The following ABCB7 variants were observed in gnomAD, a reference collection of about 807,000 sequenced individuals.
The protein encoded by ABCB7 is iron-sulfur clusters transporter ABCB7, mitochondrial.
Under a neutral mutation model 54.4 loss-of-function variants are expected in ABCB7, and 7 were observed. That is an observed-to-expected ratio of 0.13 (90% CI 0.07 to 0.24). ABCB7 has a LOEUF of 0.24. Ranked by LOEUF, ABCB7 falls within the 10% of genes least tolerant of loss-of-function variation. The probability of loss-of-function intolerance (pLI) is 1.00; values close to 1 mark genes in which losing one functional copy is unlikely to be tolerated. For synonymous variants in ABCB7, 218 were observed against 207.1 expected (o/e 1.05, Z -0.45); for missense variants, 356 against 570.4 (o/e 0.62, Z 3.83).
intron 4 of ABCB7, among the ~76,000 whole-genome samples, chrX:75,095,892 A>G (rs775385270): frequency 8.9e-6 from 1 of 112,004 alleles, no homozygotes; most frequent in East Asian, 2.8e-4. Context: ...ATACCCTGAT[A>G]TTGACCTGTC....
chrX:75,116,254 A>G (rs144462750), intron 1 of ABCB7, among the ~76,000 whole-genome samples: 1,457 of 110,788 alleles, frequency 0.013, 17 homozygotes, highest in African/African-American at 0.046. Flanking sequence ...GCTGAATTCA[A>G]CTCTTCAGGC....
intron 3 of ABCB7, among the ~76,000 whole-genome samples, chrX:75,101,726 G>A (rs976412370): frequency 1.8e-5 from 2 of 111,465 alleles, no homozygotes; most frequent in African/African-American, 6.5e-5. Context: ...ATGGAATAAT[G>A]GAAAAAGGCC....
At chrX:75,113,946 C>T (rs1372703560) in intron 2 of ABCB7, among the ~76,000 whole-genome samples, 20 of 111,649 alleles carry the variant, frequency 1.8e-4, no homozygotes, top group Non-Finnish European at 5.6e-5. Flanking sequence ...CCATTTTTTC[C>T]TCTAAAAGAT....
At chrX:75,093,869 T>C (rs1309256056) in intron 4 of ABCB7, among the ~76,000 whole-genome samples, 1 of 108,025 alleles carries the variant, frequency 9.3e-6, no homozygotes, top group African/African-American at 3.4e-5. Context: ...TTCAAAAAAA[T>C]GAAGAAGTAC....
intron 1 of ABCB7, among the ~76,000 whole-genome samples, chrX:75,115,097 G>A (rs1046821785): frequency 1.9e-4 from 21 of 107,769 alleles, no homozygotes; most frequent in African/African-American, 7.1e-4. Context: ...GTGAAACCCC[G>A]TCTCTACCAA....
At chrX:75,060,110 G>A (rs1054572731) in intron 15 of ABCB7, 113 bp downstream of exon 15, 12 of 610,587 alleles carry the variant, frequency 2.0e-5, no homozygotes, top group Non-Finnish European at 2.9e-5. Context: ...AAACAGAATC[G>A]TAACAGGATT....
At chrX:75,078,590 T>C (rs1257190310) in intron 4 of ABCB7, among the ~76,000 whole-genome samples, 2 of 111,311 alleles carry the variant, frequency 1.8e-5, no homozygotes, top group African/African-American at 3.3e-5. Flanking sequence ...GAAAGGTAGG[T>C]ACCTTTCACA....
At chrX:75,109,356 C>A (rs767266760) in intron 3 of ABCB7, among the ~76,000 whole-genome samples, 1 of 111,821 alleles carries the variant, frequency 8.9e-6, no homozygotes, top group African/African-American at 3.2e-5. Context: ...TTCTGTTTCT[C>A]AGGTAAGTAA....
intron 1 of ABCB7, among the ~76,000 whole-genome samples, chrX:75,144,672 T>G (rs1270126825): frequency 9.1e-6 from 1 of 110,022 alleles, no homozygotes; most frequent in Middle Eastern, 4.3e-3. Context: ...GGGTTTGTAC[T>G]GTTTTTGTAA....
intron 4 of ABCB7, among the ~76,000 whole-genome samples, chrX:75,095,496 A>T (rs2081582949): frequency 8.8e-6 from 1 of 113,125 alleles, no homozygotes; most frequent in Admixed American, 9.3e-5. Context: ...TGCAAGAGCA[A>T]GCACTTTTAA....
At chrX:75,058,295 T>C (rs1385028338) in intron 15 of ABCB7, among the ~76,000 whole-genome samples, 1 of 111,426 alleles carries the variant, frequency 9.0e-6, no homozygotes. Flanking sequence ...TTCCCCCAAT[T>C]TGCTGGTATC....
At chrX:75,054,922 AACTTTTGT>A (rs1252307663) in intron 15 of ABCB7, among the ~76,000 whole-genome samples, 1 of 111,379 alleles carries the variant, frequency 9.0e-6, no homozygotes, top group African/African-American at 3.3e-5. Flanking sequence ...AAACCACAAT[AACTTTTGT>A]ACCAACCTAC....
intron 6 of ABCB7, 128 bp downstream of exon 6, chrX:75,075,234 A>G (rs2081398354): frequency 1.4e-6 from 1 of 736,808 alleles, no homozygotes; most frequent in East Asian, 3.5e-5. Context: ...AAACTGCATA[A>G]TATTTCTGGC....
intron 4 of ABCB7, among the ~76,000 whole-genome samples, chrX:75,085,438 G>A (rs2081489488): frequency 9.0e-6 from 1 of 111,305 alleles, no homozygotes; most frequent in South Asian, 3.8e-4. Flanking sequence ...AGCAGCTAGG[G>A]GTCTGGAAAG....
At chrX:75,131,086 CA>C (rs373163620) in intron 1 of ABCB7, among the ~76,000 whole-genome samples, 2 of 106,952 alleles carry the variant, frequency 1.9e-5, no homozygotes, top group East Asian at 2.9e-4. Context: ...AAATGAATCT[CA>C]AAAAAAACAA....
chrX:75,136,341 G>A (rs2082008983), intron 1 of ABCB7, among the ~76,000 whole-genome samples: 1 of 111,280 alleles, frequency 9.0e-6, no homozygotes, highest in Non-Finnish European at 1.9e-5. Context: ...AAAGAAATCA[G>A]AGATGGCACA....
chrX:75,126,438 C>T (rs1300246909), intron 1 of ABCB7, among the ~76,000 whole-genome samples: 1 of 111,300 alleles, frequency 9.0e-6, no homozygotes, highest in Non-Finnish European at 1.9e-5. Flanking sequence ...ACTAAATGCC[C>T]ACATGAGAAA....
intron 1 of ABCB7, among the ~76,000 whole-genome samples, chrX:75,125,090 A>G (rs971038312): frequency 9.0e-6 from 1 of 111,614 alleles, no homozygotes. Context: ...TCAGATTGCC[A>G]CTGGTGATTA....
At chrX:75,113,515 C>T (rs888058001) in intron 2 of ABCB7, among the ~76,000 whole-genome samples, 37 of 111,774 alleles carry the variant, frequency 3.3e-4, no homozygotes, top group East Asian at 2.8e-4. Context: ...CATTTGCATA[C>T]ACTGTTTTGC....
Sources: allele counts gnomAD v4.1 joint callset (sites outside exome capture counted in the v4.1 genomes callset), GRCh38; gene constraint gnomAD v4.1.1; transcripts MANE v1.5; gene names NCBI Gene and HGNC (gene_info 2026-07-23, HGNC 2026-07-21).